LTBP1: variants seen among roughly 807,000 people sequenced by gnomAD.
The protein encoded by LTBP1 is latent transforming growth factor beta binding protein 1, also known as latent-transforming growth factor beta-binding protein 1.
A neutral mutation model predicts 207.6 loss-of-function variants in LTBP1; 129 were observed. That is an observed-to-expected ratio of 0.62 (90% CI 0.54 to 0.72). The LOEUF (loss-of-function observed/expected upper bound fraction) is 0.72. Ranked by LOEUF, LTBP1 falls within the 30% of genes least tolerant of loss-of-function variation. LTBP1 has a pLI of 0.00. For synonymous variants in LTBP1, 963 were observed against 833.7 expected, an observed-to-expected ratio of 1.16 and a Z score of -2.67; for missense variants, 2,281 against 2,217.2, an observed-to-expected ratio of 1.03 and a Z score of -0.58.
chr2:33,214,684 C>T (rs750120111), intron 7 of LTBP1, among the ~76,000 whole-genome samples: 1 of 152,172 alleles, frequency 6.6e-6, no homozygotes, highest in Non-Finnish European at 1.5e-5. Context: ...TGGCACACAA[C>T]GTCACTCATT....
At position 33,260,353 on chromosome 2, in the gene LTBP1, G is replaced by A. The variant is rs185872724; in HGVS notation, c.2418+743G>A. 2.3e-3 allele frequency among the ~76,000 whole-genome samples: 350 copies of A among 152,132 alleles called. 4 individuals are homozygous for A. In the Middle Eastern group the frequency reaches 0.027, roughly 12 times the overall value. ...AAATTATCGTTGCATTTTGAAATGG[G>A]ATCTCAATGCATGTAACAGGCTTTA... On this transcript the variant is annotated intron_variant, in intron 13 of 33. Coordinates refer to ENST00000404816, the MANE Select transcript of LTBP1 (RefSeq NM_206943.4).
chr2:33,187,627 T>A (rs2087352431), intron 6 of LTBP1, among the ~76,000 whole-genome samples: 2 of 152,216 alleles, frequency 1.3e-5, no homozygotes, highest in African/African-American at 4.8e-5. Flanking sequence ...ATGCACACTT[T>A]TAAAAAGGGA....
At position 33,342,821 on chromosome 2, in the gene LTBP1, C is replaced by G. The variant is rs1366857805; in HGVS notation, c.3731-17C>G. On this transcript the variant is annotated splice_polypyrimidine_tract_variant and intron_variant, in intron 24 of 33. Transcript: ENST00000404816. ...CTGTGTTTGTTTTGTGTCTGATGTTCCATGTCTTTTTTGCAGATATTGATG... is the reference window on the plus strand; with the variant it reads ...CTGTGTTTGTTTTGTGTCTGATGTTGCATGTCTTTTTTGCAGATATTGATG... 1.2e-6 allele frequency: 2 copies of G among 1,611,764 alleles called. No homozygotes were observed. The highest frequency in any genetic ancestry group is 1.7e-6 in the Non-Finnish European group (2 of 1,178,386).
At chr2:33,303,398 T>C (rs895896949) in intron 22 of LTBP1, among the ~76,000 whole-genome samples, 12 of 148,494 alleles carry the variant, frequency 8.1e-5, no homozygotes, top group Non-Finnish European at 1.5e-4. Context: ...TCACCCAGGC[T>C]GAGGGCAGTG....
At chr2:33,166,685 T>C (rs1420346234) in intron 5 of LTBP1, among the ~76,000 whole-genome samples, 1 of 152,194 alleles carries the variant, frequency 6.6e-6, no homozygotes, top group African/African-American at 2.4e-5. Context: ...TTGTCTTGAT[T>C]TAATGGAATG....
chr2:33,076,101 T>C (rs1392325768), intron 3 of LTBP1, among the ~76,000 whole-genome samples: 1 of 152,120 alleles, frequency 6.6e-6, no homozygotes, highest in East Asian at 1.9e-4. Context: ...CCAAAATGAG[T>C]GATTGAGGTA....
At position 33,398,445 on chromosome 2, in the gene LTBP1, A is replaced by G. The variant is rs971350617; in HGVS notation, c.5066A>G (p.Lys1689Arg). ...AKCINTDGSY[K>R]CLCLPGYVPS... ...TGCATTAACACCGATGGTTCCTACA[A>G]GTGTTTGTGTCTGCCAGGCTACGTG... The change falls in exon 34 of 34, where the codon AAG becomes AGG. Residue 1689 changes from lysine to arginine, a missense_variant. Transcript: ENST00000404816. The G allele has an allele frequency of 1.7e-5, 27 of 1,614,202 alleles. No homozygotes were observed. Among genetic ancestry groups the G allele is most frequent in the Admixed American group, 3.3e-5 (2 of 60,030 alleles).
intron 4 of LTBP1, 130 bp downstream of exon 4, chr2:33,110,881 T>C: frequency 1.2e-6 from 1 of 853,776 alleles, no homozygotes; most frequent in Admixed American, 2.9e-5. Flanking sequence ...TCCACATTGG[T>C]TCCTGAAGCA....
chr2:33,196,296 A>C (rs911641685), intron 7 of LTBP1, among the ~76,000 whole-genome samples: 1 of 143,298 alleles, frequency 7.0e-6, no homozygotes, highest in South Asian at 2.4e-4. Context: ...TATATTGGAA[A>C]ATATTTTAGA....
chr2:33,154,666 A>C (rs962223155), intron 5 of LTBP1, among the ~76,000 whole-genome samples: 1 of 152,238 alleles, frequency 6.6e-6, no homozygotes, highest in Non-Finnish European at 1.5e-5. Context: ...GTCTTAGTAT[A>C]CATTTGTGAA....
intron 2 of LTBP1, among the ~76,000 whole-genome samples, chr2:32,963,370 A>AC (rs1679439459): frequency 6.8e-6 from 1 of 146,466 alleles, no homozygotes; most frequent in Non-Finnish European, 1.5e-5. Flanking sequence ...ATGCCCAGCT[A>AC]TTTTTTTTTT....
intron 21 of LTBP1, among the ~76,000 whole-genome samples, chr2:33,301,233 A>C (rs2093983874): frequency 6.6e-6 from 1 of 152,196 alleles, no homozygotes; most frequent in Admixed American, 6.5e-5. Context: ...TGTCAACCAC[A>C]AGTGTCCAGA....
chr2:33,012,601 T>C (rs926114150), intron 2 of LTBP1, among the ~76,000 whole-genome samples: 1 of 152,260 alleles, frequency 6.6e-6, no homozygotes, highest in African/African-American at 2.4e-5. Flanking sequence ...CCTATTGGAC[T>C]CTGATCTACT....
At position 33,134,077 on chromosome 2, in the gene LTBP1, A is replaced by T. The variant is rs1260163541; in HGVS notation, c.1034-716A>T. On this transcript the variant is annotated intron_variant, in intron 4 of 33. Coordinates refer to ENST00000404816, the MANE Select transcript of LTBP1 (RefSeq NM_206943.4). The surrounding 1 kb of genome is among the most constrained non-coding windows in gnomAD (Gnocchi z 4.4). ...GTGAGAGCCCAAGGGTGTTATTTTT[A>T]GGGAGGCAACCATTTATCCCTGTGA... 6.6e-6 allele frequency among the ~76,000 whole-genome samples: 1 copy of T among 152,182 alleles called. No homozygotes were observed. Among genetic ancestry groups the T allele is most frequent in the Non-Finnish European group, 1.5e-5 (1 of 68,020 alleles).
At chr2:33,219,313 G>A (rs116828768) in intron 8 of LTBP1, among the ~76,000 whole-genome samples, 1,637 of 152,274 alleles carry the variant, frequency 0.011, 13 homozygotes, top group Non-Finnish European at 0.016. Context: ...TTTCCAGGAA[G>A]TAGGTTGAGT....
chr2:33,016,915 G>A (rs1006249139), intron 2 of LTBP1, among the ~76,000 whole-genome samples: 13 of 152,156 alleles, frequency 8.5e-5, no homozygotes, highest in African/African-American at 2.9e-4. Flanking sequence ...TACTTGGGAG[G>A]CTGAGGCAGG....
At chr2:33,204,782 A>T (rs2149166635) in intron 7 of LTBP1, among the ~76,000 whole-genome samples, 1 of 152,286 alleles carries the variant, frequency 6.6e-6, no homozygotes, top group South Asian at 2.1e-4. Flanking sequence ...GCATTTTTAG[A>T]AAACTGATAG....
chr2:32,950,873 C>T (rs898331026), intron 2 of LTBP1, among the ~76,000 whole-genome samples: 1 of 152,168 alleles, frequency 6.6e-6, no homozygotes, highest in Non-Finnish European at 1.5e-5. Context: ...TTTCAGGTTG[C>T]TTGGGGAATT....
chr2:33,375,661 G>A (rs2095129210), intron 31 of LTBP1, among the ~76,000 whole-genome samples: 1 of 151,516 alleles, frequency 6.6e-6, no homozygotes, highest in African/African-American at 2.4e-5. Flanking sequence ...CTGAGTAGCT[G>A]GGACCACAGG....
Sources: allele counts gnomAD v4.1 joint callset (sites outside exome capture counted in the v4.1 genomes callset), GRCh38; gene constraint gnomAD v4.1.1; non-coding constraint Gnocchi (gnomAD v3.1); transcripts MANE v1.5; gene names NCBI Gene and HGNC (gene_info 2026-07-23, HGNC 2026-07-21).